GRK5: variants seen among roughly 807,000 people sequenced by gnomAD.
GRK5 encodes G protein-coupled receptor kinase 5.
A neutral mutation model predicts 78.4 loss-of-function variants in GRK5; 40 were observed. The ratio of observed to expected loss-of-function variants is 0.51; its 90% CI spans 0.40 to 0.66. The LOEUF is 0.66. GRK5 is among the 30% of genes least tolerant of loss of function. The pLI is 0.00. For missense variants in GRK5, 598 were observed against 759.9 expected, an observed-to-expected ratio of 0.79 and a Z score of 2.50; for synonymous variants, 289 against 296.8, an observed-to-expected ratio of 0.97 and a Z score of 0.27.
At chr10:119,215,342 A>T (rs1046683168) in intron 1 of GRK5, among the ~76,000 whole-genome samples, 1 of 152,080 alleles carries the variant, frequency 6.6e-6, no homozygotes, top group Non-Finnish European at 1.5e-5. Flanking sequence ...CTGTGCATTT[A>T]GTGAGTGTGA....
chr10:119,216,464 C>T (rs190378542), intron 1 of GRK5, among the ~76,000 whole-genome samples: 177 of 152,246 alleles, frequency 1.2e-3, no homozygotes, highest in Non-Finnish European at 1.9e-3. Flanking sequence ...TCCTCTGTTT[C>T]CGGCATAGAG....
Position 119,394,604 on chromosome 10 carries a change from GGCAC to G in GRK5, c.262-2089_262-2086del, listed in dbSNP as rs1317578623. Among the ~76,000 whole-genome samples the G allele has an allele frequency of 5.9e-3, 14 of 2,358 alleles. 4 individuals are homozygous for G. The highest frequency in any genetic ancestry group is 0.013 in the Non-Finnish European group (13 of 980). 1.5% of individuals were successfully genotyped at this position (2,358 alleles called of 152,430 possible). On this transcript the variant is annotated intron_variant, in intron 3 of 15. Coordinates refer to ENST00000392870, the MANE Select transcript of GRK5 (RefSeq NM_005308.3). Reference sequence around the variant, plus strand: ...GTGTGTGGGTGTGTGTCTGTGTGTGGGCACGTGTATGTTTGGGTGTGTGGGTGTG... The same window carrying G: ...GTGTGTGGGTGTGTGTCTGTGTGTGGGTGTATGTTTGGGTGTGTGGGTGTG...
intron 1 of GRK5, among the ~76,000 whole-genome samples, chr10:119,321,367 C>T (rs9887987): frequency 0.012 from 1,802 of 152,318 alleles, 20 homozygotes; most frequent in Middle Eastern, 0.024. Flanking sequence ...TTCTGGAGAT[C>T]GGAAGTCTGA....
intron 6 of GRK5, among the ~76,000 whole-genome samples, chr10:119,426,079 T>G (rs1294091933): frequency 6.6e-6 from 1 of 152,230 alleles, no homozygotes; most frequent in Non-Finnish European, 1.5e-5. Context: ...AGGCCTGGCA[T>G]GCACAGCCAT....
Position 119,269,602 on chromosome 10 carries a change from G to A in GRK5, c.53-56914G>A, listed in dbSNP as rs555035622. Among the ~76,000 whole-genome samples the A allele has an allele frequency of 3.3e-5, 5 of 152,018 alleles. No individual in the cohort carries two copies. The South Asian group carries it at 6.2e-4, about 19-fold the overall frequency. Reference sequence around the variant, plus strand: ...TCTTAGCACTTTGGGAGGCCAAAGCGGGTGGATCACCTGAGGTCAGGAGTT... The same window carrying A: ...TCTTAGCACTTTGGGAGGCCAAAGCAGGTGGATCACCTGAGGTCAGGAGTT... On this transcript the variant is annotated intron_variant, in intron 1 of 15. Transcript: ENST00000392870.
At chr10:119,272,171 G>A (rs868138567) in intron 1 of GRK5, among the ~76,000 whole-genome samples, 19 of 152,180 alleles carry the variant, frequency 1.2e-4, no homozygotes, top group African/African-American at 4.6e-4. Flanking sequence ...GGTAGCTCAG[G>A]GCATAGATGC....
At chr10:119,248,157 A>G (rs945100922) in intron 1 of GRK5, among the ~76,000 whole-genome samples, 1 of 152,112 alleles carries the variant, frequency 6.6e-6, no homozygotes, top group Non-Finnish European at 1.5e-5. Flanking sequence ...GACTATAGGC[A>G]TGTACCACCA....
chr10:119,416,279 A>C (rs866115267), intron 4 of GRK5, among the ~76,000 whole-genome samples: 2 of 152,376 alleles, frequency 1.3e-5, no homozygotes, highest in Middle Eastern at 3.4e-3. Context: ...GTGCAGAGGC[A>C]GGGAGCAGTG....
Position 119,361,892 on chromosome 10 carries a change from T to A in GRK5, c.149-18923T>A, listed in dbSNP as rs531113872. ...AGGAGAATTGCCTGAACCTGGGAGGTGGAGGTTGCAGTGAGCCGAGGTCGC... is the reference window on the plus strand; with the variant it reads ...AGGAGAATTGCCTGAACCTGGGAGGAGGAGGTTGCAGTGAGCCGAGGTCGC... On this transcript the variant is annotated intron_variant, in intron 2 of 15. Transcript: ENST00000392870. Among the ~76,000 whole-genome samples, 6 of 135,798 alleles carry A rather than the reference T, an allele frequency of 4.4e-5. No individual in the cohort carries two copies. In the East Asian group the frequency reaches 1.1e-3, roughly 24 times the overall value. 89.1% of individuals were successfully genotyped at this position (135,798 alleles called of 152,430 possible).
chr10:119,331,237 G>A lies in GRK5; in HGVS notation c.148+4626G>A, dbSNP rs139193049. Among the ~76,000 whole-genome samples the A allele has an allele frequency of 9.8e-5, 15 of 152,366 alleles. No individual in the cohort carries two copies. In the East Asian group the frequency reaches 2.7e-3, roughly 27 times the overall value. On this transcript the variant is annotated intron_variant, in intron 2 of 15. Coordinates refer to ENST00000392870, the MANE Select transcript of GRK5 (RefSeq NM_005308.3). ...TGGTGTGAGGAACGTGCGTGCTGGC[G>A]TGTGGAAATGGATTCTTCTGTTCTG...
At chr10:119,325,558 T>C (rs866789274) in intron 1 of GRK5, among the ~76,000 whole-genome samples, 8 of 152,098 alleles carry the variant, frequency 5.3e-5, no homozygotes, top group Non-Finnish European at 7.4e-5. Context: ...TGGTGAGTCA[T>C]GGACAGATGG....
chr10:119,330,611 A>G (rs1372977392), intron 2 of GRK5, among the ~76,000 whole-genome samples: 1 of 152,090 alleles, frequency 6.6e-6, no homozygotes. Context: ...AGATTCAAAG[A>G]GCCAGTGCAC....
intron 1 of GRK5, among the ~76,000 whole-genome samples, chr10:119,280,751 C>T (rs565237850): frequency 6.7e-6 from 1 of 148,788 alleles, no homozygotes; most frequent in South Asian, 2.2e-4. Flanking sequence ...CTGTTTCCTT[C>T]CTTCCTTCCT....
rs1189100936 is a variant in GRK5 at position 119,443,505 on chromosome 10, CCCT to C, written c.1058-31_1058-29del. On this transcript the variant is annotated intron_variant, in intron 11 of 15. Coordinates refer to ENST00000392870, the MANE Select transcript of GRK5 (RefSeq NM_005308.3). ...CTGTGAGCAGCGCCACCAGCTGTCT[CCCT>C]CCTCCTCACTCCTCTCTCCTCTCCT... 5.8e-6 allele frequency: 9 copies of C among 1,557,194 alleles called. No individual in the cohort carries two copies. In the South Asian group the frequency reaches 8.0e-5, roughly 14 times the overall value.
intron 2 of GRK5, among the ~76,000 whole-genome samples, chr10:119,331,923 G>A (rs1850786897): frequency 6.6e-6 from 1 of 152,182 alleles, no homozygotes; most frequent in Non-Finnish European, 1.5e-5. Context: ...GGTGAAGCCT[G>A]TAGACCCCTT....
In GRK5 at chr10:119,448,144, C is replaced by G; in HGVS notation, c.1288C>G (p.Gln430Glu). The G allele has an allele frequency of 6.4e-7, 1 of 1,561,052 alleles. No individual in the cohort carries two copies. The highest frequency in any genetic ancestry group is 8.6e-7 in the Non-Finnish European group (1 of 1,160,152). Residue 430 changes from glutamine (Q) to glutamate (E), a missense_variant, in exon 13 of 16, where the codon CAG becomes GAG. By Grantham distance (29) the Gln-to-Glu change is conservative (BLOSUM62 2). Transcript: ENST00000392870. ...CKMLLTKDAK[Q>E]RLGCQEEGAA... Reference sequence around the variant, plus strand: ...TCAGCTGCTCACGAAAGATGCGAAGCAGAGGCTGGGCTGCCAGGAGGAGGG... The same window carrying G: ...TCAGCTGCTCACGAAAGATGCGAAGGAGAGGCTGGGCTGCCAGGAGGAGGG...
At chr10:119,446,479 CT>C (rs1442337359) in intron 12 of GRK5, among the ~76,000 whole-genome samples, 1 of 150,788 alleles carries the variant, frequency 6.6e-6, no homozygotes, top group Non-Finnish European at 1.5e-5. Flanking sequence ...CACCCCTCGC[CT>C]TTCTCATCCT....
Position 119,264,501 on chromosome 10 carries a change from G to C in GRK5, c.52+56532G>C, listed in dbSNP as rs1046717860. ...TCCTTCTCCCCATGACGATAAAGAT[G>C]GCCAGTGGCTGTGTGTCCTTAAAGT... On this transcript the variant is annotated intron_variant, in intron 1 of 15. Transcript: ENST00000392870. This position sits in a 1 kb window ranked among gnomAD's most constrained non-coding sequence, Gnocchi z 4.1. 6.6e-6 allele frequency among the ~76,000 whole-genome samples: 1 copy of C among 152,146 alleles called. No homozygotes were observed. The highest frequency in any genetic ancestry group is 2.4e-5 in the African/African-American group (1 of 41,424).
In GRK5 at chr10:119,238,978, A is replaced by T. The variant is rs560703252; in HGVS notation, c.52+31009A>T. Among the ~76,000 whole-genome samples, 6 of 152,256 alleles carry T rather than the reference A, an allele frequency of 3.9e-5. No homozygotes were observed. The highest frequency in any genetic ancestry group is 1.4e-4 in the African/African-American group (6 of 41,584). ...AGGCATTAGAGAAACGTGATTTTTC[A>T]TTTAATTATATATATAGTTTTCTTT... On this transcript the variant is annotated intron_variant, in intron 1 of 15. Transcript: ENST00000392870. The surrounding 1 kb of genome is among the most constrained non-coding windows in gnomAD (Gnocchi z 4.7).
Sources: gnomAD v4.1 joint callset for allele counts (sites outside exome capture counted in the v4.1 genomes callset) on GRCh38, gnomAD v4.1.1 for gene constraint, Gnocchi (gnomAD v3.1) non-coding constraint, MANE v1.5 for transcripts, NCBI Gene and HGNC (gene_info 2026-07-23, HGNC 2026-07-21) for gene names.